Variants in ACP6 observed in about 807,000 individuals in gnomAD.
ACP6 encodes lysophosphatidic acid phosphatase type 6.
In ACP6, 48 loss-of-function variants were observed where a neutral mutation model predicts 48.1. The observed-to-expected ratio is 1.00, with a 90% CI of 0.79 to 1.27. ACP6 has a LOEUF of 1.27. ACP6 is among the 50% of genes most tolerant of loss of function. The probability of loss-of-function intolerance (pLI) is 0.00; values close to 1 mark genes in which losing one functional copy is unlikely to be tolerated. For synonymous variants in ACP6, 172 were observed against 204.2 expected, an observed-to-expected ratio of 0.84 and a Z score of 1.34; for missense variants, 485 against 529.1, an observed-to-expected ratio of 0.92 and a Z score of 0.82.
At chr1:147,656,896 A>G (rs587678244) in intron 4 of ACP6, among the ~76,000 whole-genome samples, 199 of 152,358 alleles carry the variant, frequency 1.3e-3, no homozygotes, top group African/African-American at 4.6e-3. Context: ...AAAATAGTAC[A>G]GGGTAATACA....
Position 147,647,261 on chromosome 1 carries a change from G to A in ACP6, c.*162C>T, listed in dbSNP as rs961918721. The A allele has an allele frequency of 3.5e-5, 30 of 857,356 alleles. No individual in the cohort carries two copies. The highest frequency in any genetic ancestry group is 1.7e-4 in the African/African-American group (10 of 58,634). The allele number at this position is 857,356 out of a possible 1,614,324, so 53.1% of individuals were successfully genotyped here. On this transcript the variant is annotated 3_prime_UTR_variant, in exon 10 of 10. Coordinates refer to ENST00000583509, the MANE Select transcript of ACP6 (RefSeq NM_016361.5). ...GGTCTCAATATTATACCCCTTTTCC[G>A]TTCAGGAAGAAATCTTAGTAAACCC...
intron 1 of ACP6, among the ~76,000 whole-genome samples, chr1:147,663,335 G>A (rs1418596317): frequency 1.3e-5 from 2 of 152,050 alleles, no homozygotes; most frequent in Admixed American, 1.3e-4. Flanking sequence ...TTATCAATGG[G>A]TACAAAATTT....
chr1:147,631,871 A>AG (rs1485162952), intron 5 of ACP6, among the ~76,000 whole-genome samples: 2 of 152,132 alleles, frequency 1.3e-5, no homozygotes, highest in Non-Finnish European at 2.9e-5. Context: ...TTCTTCCTTA[A>AG]GACCCTTTCA....
At chr1:147,665,366 G>T (rs1553213482) in intron 1 of ACP6, among the ~76,000 whole-genome samples, 1 of 152,176 alleles carries the variant, frequency 6.6e-6, no homozygotes, top group African/African-American at 2.4e-5. Context: ...GTTAGACTTG[G>T]CAAGTGAGTA....
At chr1:147,665,931 CT>C (rs1246569701) in intron 1 of ACP6, among the ~76,000 whole-genome samples, 3 of 152,190 alleles carry the variant, frequency 2.0e-5, no homozygotes, top group Non-Finnish European at 4.4e-5. Flanking sequence ...GATAATTTTA[CT>C]TATTTTGTGT....
At chr1:147,655,056 C>A in intron 5 of ACP6, 105 bp downstream of exon 5, 1 of 872,246 alleles carries the variant, frequency 1.1e-6, no homozygotes, top group Non-Finnish European at 1.8e-6. Context: ...CCATTATTCG[C>A]CAGTAGGGTA....
At chr1:147,640,184 T>C (rs138435109), downstream of ACP6, among the ~76,000 whole-genome samples, 21 of 152,216 alleles carry the variant, frequency 1.4e-4, no homozygotes, top group Non-Finnish European at 2.9e-4. Context: ...CATCCTTCCA[T>C]GTGGATAAAC....
At chr1:147,641,851 G>A (rs190877521), downstream of ACP6, among the ~76,000 whole-genome samples, 207 of 152,330 alleles carry the variant, frequency 1.4e-3, 1 homozygote, top group African/African-American at 4.8e-3. Context: ...CAGTGCCCCG[G>A]GAAGGGCAGG....
At chr1:147,660,014 G>C (rs1660464785) in intron 1 of ACP6, among the ~76,000 whole-genome samples, 1 of 152,180 alleles carries the variant, frequency 6.6e-6, no homozygotes, top group African/African-American at 2.4e-5. Flanking sequence ...TGACTGCTAA[G>C]GGGCTGCTCT....
At chr1:147,640,958 GCCATCTCCCCGGGGAATTCCCCAC>G (rs1157578104), downstream of ACP6, among the ~76,000 whole-genome samples, 1 of 152,086 alleles carries the variant, frequency 6.6e-6, no homozygotes, top group Non-Finnish European at 1.5e-5. Flanking sequence ...AGAGCACACA[GCCATCTCCCCGGGGAATTCCCCAC>G]CCAGCAGAAG....
downstream of ACP6, among the ~76,000 whole-genome samples, chr1:147,640,606 A>G (rs1211227333): frequency 6.6e-6 from 1 of 152,202 alleles, no homozygotes; most frequent in Non-Finnish European, 1.5e-5. Flanking sequence ...AGGCTTATCA[A>G]CAGGAAATTA....
chr1:147,638,221 T>C (rs116013916), downstream of ACP6, among the ~76,000 whole-genome samples: 155 of 152,322 alleles, frequency 1.0e-3, 1 homozygote, highest in Non-Finnish European at 1.7e-3. Context: ...ATCGCTAATA[T>C]TGTTTAGCTT....
intron 1 of ACP6, among the ~76,000 whole-genome samples, chr1:147,669,002 G>A (rs782138383): frequency 6.6e-6 from 1 of 152,198 alleles, no homozygotes; most frequent in Non-Finnish European, 1.5e-5. Flanking sequence ...CTCCACAGGT[G>A]TAATACCTGG....
At chr1:147,659,892 C>A in intron 1 of ACP6, 117 bp from the exon 2 acceptor site, 17 of 1,247,536 alleles carry the variant, frequency 1.4e-5, no homozygotes, top group Non-Finnish European at 1.7e-5. Flanking sequence ...GGCCTGCAAC[C>A]TTCCTATGGG....
downstream of ACP6, among the ~76,000 whole-genome samples, chr1:147,639,164 C>A (rs1311391538): frequency 6.6e-6 from 1 of 152,202 alleles, no homozygotes; most frequent in Non-Finnish European, 1.5e-5. Context: ...GATGTACAAT[C>A]GCAGTTCAGA....
intron 1 of ACP6, among the ~76,000 whole-genome samples, chr1:147,667,775 A>T (rs1316003566): frequency 6.6e-6 from 1 of 152,122 alleles, no homozygotes; most frequent in Non-Finnish European, 1.5e-5. Flanking sequence ...GCGGATCATG[A>T]GATCAAGATA....
intron 1 of ACP6, among the ~76,000 whole-genome samples, chr1:147,662,117 G>A (rs956419712): frequency 6.6e-6 from 1 of 152,218 alleles, no homozygotes; most frequent in Non-Finnish European, 1.5e-5. Flanking sequence ...TAAGCCCACT[G>A]TTGAGACCTA....
In ACP6 at chr1:147,658,947, C is replaced by T; in HGVS notation, c.559+13G>A. 1 of 1,607,534 alleles carries T rather than the reference C, an allele frequency of 6.2e-7. No individual in the cohort carries two copies. On this transcript the variant is annotated intron_variant, in intron 4 of 9. Transcript: ENST00000583509. ...CTCAGGGACAGGGACTGACTGGGACCCCAAATACGAACCTTCTTTCTGACA... is the reference window on the plus strand; with the variant it reads ...CTCAGGGACAGGGACTGACTGGGACTCCAAATACGAACCTTCTTTCTGACA...
chr1:147,652,767 A>C, intron 6 of ACP6: 1 of 833,800 alleles, frequency 1.2e-6, no homozygotes, highest in Non-Finnish European at 1.8e-6. Flanking sequence ...AAAAAAAAAG[A>C]AAGGGTTTCT....
Sources: gnomAD v4.1 joint callset for allele counts (sites outside exome capture counted in the v4.1 genomes callset) on GRCh38, gnomAD v4.1.1 for gene constraint, MANE v1.5 for transcripts, NCBI Gene and HGNC (gene_info 2026-07-23, HGNC 2026-07-21) for gene names.